PCNX2: variants seen among roughly 807,000 people sequenced by gnomAD.
PCNX2 encodes the protein pecanex-like protein 2.
A neutral mutation model predicts 223.8 loss-of-function variants in PCNX2; 168 were observed. The ratio of observed to expected loss-of-function variants is 0.75; its 90% CI spans 0.66 to 0.85. The LOEUF (loss-of-function observed/expected upper bound fraction) is 0.85, where lower values mean the gene tolerates loss of function less well. PCNX2 is among the 40% of genes least tolerant of loss of function. The pLI is 0.00. For synonymous variants in PCNX2, 1,006 were observed against 1,052.6 expected, an observed-to-expected ratio of 0.96 and a Z score of 0.86; for missense variants, 2,507 against 2,675.5, an observed-to-expected ratio of 0.94 and a Z score of 1.39.
In PCNX2 at chr1:233,235,969, T is replaced by A. The variant is rs1389980671; in HGVS notation, c.2358+876A>T. On this transcript the variant is annotated intron_variant, in intron 9 of 33. Coordinates refer to ENST00000258229, the MANE Select transcript of PCNX2 (RefSeq NM_014801.4). ...AATCATAAAAAAAAATATATATATA[T>A]ATATATATATATATATAATTATATT... 4.6e-3 allele frequency among the ~76,000 whole-genome samples: 643 copies of A among 140,924 alleles called. 10 individuals carry two copies. Among genetic ancestry groups the A allele is most frequent in the African/African-American group, 0.016 (589 of 37,428 alleles). The allele number at this position is 140,924 out of a possible 152,430, so 92.5% of individuals were successfully genotyped here.
At position 233,025,129 on chromosome 1, in the gene PCNX2, G is replaced by C. The variant is rs200425145; in HGVS notation, c.4605+17C>G. On this transcript the variant is annotated intron_variant, in intron 26 of 33. Coordinates refer to ENST00000258229, the MANE Select transcript of PCNX2 (RefSeq NM_014801.4). Reference sequence around the variant, plus strand: ...CCTAGCATTTCTGCCTTAGGTGTTTGGGAAACAGAGCAATACCTTGATGTA... The same window carrying C: ...CCTAGCATTTCTGCCTTAGGTGTTTCGGAAACAGAGCAATACCTTGATGTA... The C allele has an allele frequency of 5.0e-6, 8 of 1,612,924 alleles. No individual in the cohort carries two copies. The highest frequency in any genetic ancestry group is 2.2e-5 in the East Asian group (1 of 44,842).
rs1192811160 is a variant in PCNX2 at position 232,990,389 on chromosome 1, A to G, written c.5792-3849T>C. 6.6e-6 allele frequency among the ~76,000 whole-genome samples: 1 copy of G among 152,152 alleles called. No individual in the cohort carries two copies. The highest frequency in any genetic ancestry group is 1.5e-5 in the Non-Finnish European group (1 of 68,024). On this transcript the variant is annotated intron_variant, in intron 32 of 33. Transcript: ENST00000258229. The surrounding 1 kb of genome is among the most constrained non-coding windows in gnomAD (Gnocchi z 4.3). Reference sequence around the variant, plus strand: ...GCTAGAGAGCCTTCTGGATAGTTGAATCACATCTTGGAGGGATTCTGGCCG... The same window carrying G: ...GCTAGAGAGCCTTCTGGATAGTTGAGTCACATCTTGGAGGGATTCTGGCCG...
intron 7 of PCNX2, among the ~76,000 whole-genome samples, chr1:233,251,349 A>G (rs1659440555): frequency 6.6e-6 from 1 of 152,172 alleles, no homozygotes; most frequent in Non-Finnish European, 1.5e-5. Flanking sequence ...TCAGTCTGTT[A>G]ATGAGGAAAA....
chr1:233,217,884 T>G lies in PCNX2; in HGVS notation c.2691+15A>C. 1 of 1,613,852 alleles carries G rather than the reference T, an allele frequency of 6.2e-7. No homozygotes were observed. The highest frequency in any genetic ancestry group is 8.5e-7 in the Non-Finnish European group (1 of 1,179,838). ...ACAGACAAGAAAAGCTACTTGCCTG[T>G]ATTTGGAAACTTACGTGTATTGGTG... On this transcript the variant is annotated intron_variant, in intron 12 of 33. Coordinates refer to ENST00000258229, the MANE Select transcript of PCNX2 (RefSeq NM_014801.4).
At chr1:233,020,173 C>T (rs1028990528) in intron 26 of PCNX2, among the ~76,000 whole-genome samples, 3 of 152,210 alleles carry the variant, frequency 2.0e-5, no homozygotes, top group Admixed American at 6.5e-5. Context: ...TCCTCCTCTC[C>T]GTCTGGCAAA....
intron 25 of PCNX2, among the ~76,000 whole-genome samples, chr1:233,036,348 A>C (rs1671453103): frequency 6.6e-6 from 1 of 152,180 alleles, no homozygotes; most frequent in Admixed American, 6.5e-5. Flanking sequence ...TTTATATTTC[A>C]GGCTGGGCAT....
In PCNX2 at chr1:232,986,300, T is replaced by C; in HGVS notation, c.6032A>G (p.Glu2011Gly). ...GGACCTGATGAGCGCCTCGGCCCGC[T>C]CACGGACACTCAGGTGGCCGGTGGT... ...VTTTGHLSVRERAEALIRSSL... is the reference protein window; with the variant it reads ...VTTTGHLSVRGRAEALIRSSL... The change falls in exon 33 of 34, where the codon GAG becomes GGG. Residue 2011 changes from glutamate to glycine, a missense_variant. Coordinates refer to ENST00000258229, the MANE Select transcript of PCNX2 (RefSeq NM_014801.4). The C allele has an allele frequency of 6.4e-7, 1 of 1,574,162 alleles. No homozygotes were observed. The highest frequency in any genetic ancestry group is 1.2e-5 in the South Asian group (1 of 85,742).
At chr1:233,305,182 T>G in the PCNX2 span, among the ~76,000 whole-genome samples, 1 of 152,172 alleles carries the variant, frequency 6.6e-6, no homozygotes, top group East Asian at 1.9e-4. Context: ...AAAAATATTT[T>G]GTATATAGCT....
At chr1:233,110,482 T>G (rs1413359698) in intron 21 of PCNX2, among the ~76,000 whole-genome samples, 1 of 152,206 alleles carries the variant, frequency 6.6e-6, no homozygotes, top group African/African-American at 2.4e-5. Context: ...CAAACAAAAC[T>G]GACAAAATGT....
chr1:233,163,654 ATTACACCCCAATG>A (rs1381950222), intron 17 of PCNX2, among the ~76,000 whole-genome samples: 9 of 151,632 alleles, frequency 5.9e-5, no homozygotes, highest in Admixed American at 5.2e-4. Context: ...TAGCACATCC[ATTACACCCCAATG>A]TTTCCTCTTT....
rs1365624631 is a variant in PCNX2, at chr1:232,990,771, G to A, written c.5792-4231C>T. Among the ~76,000 whole-genome samples, 1 of 152,204 alleles carries A rather than the reference G, an allele frequency of 6.6e-6. No individual in the cohort carries two copies. Among genetic ancestry groups the A allele is most frequent in the Non-Finnish European group, 1.5e-5 (1 of 68,038 alleles). On this transcript the variant is annotated intron_variant, in intron 32 of 33. Transcript: ENST00000258229. The surrounding 1 kb of genome is among the most constrained non-coding windows in gnomAD (Gnocchi z 4.3). ...ACCAGCTCCCACCCACTCCTGCTTG[G>A]CCGTGTGCTGGGTTCCCAGGACTCC...
intron 1 of PCNX2, among the ~76,000 whole-genome samples, chr1:233,267,271 C>A (rs1188776432): frequency 8.1e-6 from 1 of 123,650 alleles, no homozygotes; most frequent in Non-Finnish European, 1.9e-5. Context: ...GAGCCAAGAT[C>A]GCACGCACCA....
In PCNX2 at chr1:233,248,261, G is replaced by A. The variant is rs574780056; in HGVS notation, c.2222+2478C>T. Among the ~76,000 whole-genome samples, 13 of 151,732 alleles carry A rather than the reference G, an allele frequency of 8.6e-5. No individual in the cohort carries two copies. In the South Asian group the frequency reaches 1.5e-3, roughly 17 times the overall value. On this transcript the variant is annotated intron_variant, in intron 8 of 33. Coordinates refer to ENST00000258229, the MANE Select transcript of PCNX2 (RefSeq NM_014801.4). The stretch of plus-strand genomic sequence containing the variant: ...ATCTACAGAACTCCAAACATCCCTC[G>A]GAGAGCCAGCCCCTTCCAGTCTCGG...
In PCNX2 at chr1:232,986,367, C is replaced by T. The variant is rs189263803; in HGVS notation, c.5965G>A (p.Ala1989Thr). 3,577 of 1,601,676 alleles carry T rather than the reference C, an allele frequency of 2.2e-3. 28 individuals carry two copies. The highest frequency in any genetic ancestry group is 7.8e-3 in the South Asian group (690 of 88,944). ...TGAGAGTGCAGGGACGTGGCCGAGG[C>T]GTGCAAGGAGAGCCGGCTGCCCGAG... ...RLSGSRLSLH[A>T]SATSLHSQPP... The change falls in exon 33 of 34, where the codon GCC becomes ACC. Residue 1989 changes from alanine to threonine, a missense_variant. By Grantham distance (58) the Ala-to-Thr change is moderately conservative (BLOSUM62 0). Transcript: ENST00000258229.
rs550053213 is a variant in PCNX2, at chr1:233,031,334, TG to T, written c.4352-5936del. Among the ~76,000 whole-genome samples the T allele has an allele frequency of 2.0e-3, 300 of 152,348 alleles. 1 individual carries two copies. The highest frequency in any genetic ancestry group is 6.8e-3 in the African/African-American group (283 of 41,582). ...ACCCCTATTCATTATTCACTTTTTC[TG>T]GGATCTCATATCATTATTCACAGTG... On this transcript the variant is annotated intron_variant, in intron 25 of 33. Transcript: ENST00000258229.
At chr1:233,088,606 C>T (rs1673714547) in intron 23 of PCNX2, among the ~76,000 whole-genome samples, 1 of 152,134 alleles carries the variant, frequency 6.6e-6, no homozygotes, top group South Asian at 2.1e-4. Context: ...ACTTTTATTG[C>T]AAAATCTACC....
At chr1:233,246,687 G>A (rs1358675006) in intron 8 of PCNX2, among the ~76,000 whole-genome samples, 1 of 152,152 alleles carries the variant, frequency 6.6e-6, no homozygotes, top group Non-Finnish European at 1.5e-5. Flanking sequence ...TAAGGTACAA[G>A]CTACTTGGTC....
intron 23 of PCNX2, among the ~76,000 whole-genome samples, chr1:233,061,267 G>A (rs576910584): frequency 6.6e-6 from 1 of 152,306 alleles, no homozygotes; most frequent in South Asian, 2.1e-4. Context: ...TTTAAATACA[G>A]GGGTACTGTC....
the PCNX2 span, among the ~76,000 whole-genome samples, chr1:233,323,420 A>G: frequency 6.6e-6 from 1 of 152,210 alleles, no homozygotes; most frequent in African/African-American, 2.4e-5. Flanking sequence ...GCTTCAAATT[A>G]TCGTGGTTTG....
Sources: allele counts gnomAD v4.1 joint callset (sites outside exome capture counted in the v4.1 genomes callset), GRCh38; gene constraint gnomAD v4.1.1; non-coding constraint Gnocchi (gnomAD v3.1); transcripts MANE v1.5; gene names NCBI Gene and HGNC (gene_info 2026-07-23, HGNC 2026-07-21).